The following ISLR2 variants were observed in gnomAD, a reference collection of about 807,000 sequenced individuals.
ISLR2 encodes immunoglobulin superfamily containing leucine rich repeat 2.
A neutral mutation model predicts 25.5 loss-of-function variants in ISLR2; 16 were observed. The observed-to-expected ratio is 0.63, with a 90% CI of 0.43 to 0.95. The LOEUF is 0.95. Among genes scored for constraint, ISLR2 ranks in the 40% least tolerant of loss-of-function variants. The pLI is 0.00. For synonymous variants in ISLR2, 508 were observed against 486.6 expected (o/e 1.04, Z -0.58); for missense variants, 883 against 1,030.7 (o/e 0.86, Z 1.96).
chr15:74,128,645 A>T (rs1348711412), upstream of ISLR2: 2 of 456,404 alleles, frequency 4.4e-6, no homozygotes, highest in Admixed American at 2.4e-5. Flanking sequence ...CAAAAAAGAA[A>T]GAAAGAAAAT....
rs535776127 is a variant in ISLR2 at position 74,133,648 on chromosome 15, G to A, written c.894G>A (p.Glu298=). ...GGGAGGACGACGGGGTTGGGGCGGA[G>A]GAAGGAGAGGGAGAAGGAGATGGGG... is the stretch of plus-strand genomic sequence containing the variant. ...LSGEDDGVGA[E]EGEGEGDGDL... The change falls in exon 3 of 3, where the codon GAG becomes GAA. Residue 298 remains glutamate (E), a synonymous_variant. Coordinates refer to ENST00000453268, the MANE Select transcript of ISLR2 (RefSeq NM_020851.3). 6.2e-7 allele frequency: 1 copy of A among 1,612,346 alleles called. No homozygotes were observed. The highest frequency in any genetic ancestry group is 1.7e-5 in the Admixed American group (1 of 59,748).
chr15:74,122,029 C>T (rs1748312627), intron 2 of ISLR2, among the ~76,000 whole-genome samples: 1 of 152,200 alleles, frequency 6.6e-6, no homozygotes, highest in Non-Finnish European at 1.5e-5. Context: ...TCCCATCCAC[C>T]CCAGAGACAG....
chr15:74,131,076 T>C (rs2072404662), intron 1 of ISLR2, 131 bp from the exon 2 acceptor site: 1 of 152,432 alleles, frequency 6.6e-6, no homozygotes, highest in Admixed American at 6.6e-5. Context: ...GCAAGGACTT[T>C]CTCCAACCTG....
At chr15:74,115,533 A>G (rs961410373) in intron 2 of ISLR2, among the ~76,000 whole-genome samples, 1 of 152,120 alleles carries the variant, frequency 6.6e-6, no homozygotes, top group Non-Finnish European at 1.5e-5. Flanking sequence ...TGTCTCTACT[A>G]AAAATACAAA....
At chr15:74,130,385 C>A (rs1329074988), upstream of ISLR2, 2 of 152,082 alleles carry the variant, frequency 1.3e-5, no homozygotes, top group Non-Finnish European at 2.9e-5. Flanking sequence ...AGGGTCCGCG[C>A]GAGCTCGGCT....
At chr15:74,124,143 A>G (rs1595941287), upstream of ISLR2, among the ~76,000 whole-genome samples, 1 of 150,534 alleles carries the variant, frequency 6.6e-6, no homozygotes, top group East Asian at 1.9e-4. Flanking sequence ...AACTCCAGAT[A>G]AGGAAGTATC....
upstream of ISLR2, chr15:74,128,077 G>A (rs2072323211): frequency 4.5e-6 from 1 of 220,980 alleles, no homozygotes; most frequent in African/African-American, 2.4e-5. Context: ...TGAGGTCTTG[G>A]TTCCCGGCTC....
chr15:74,105,828 G>A (rs947232355), intron 2 of ISLR2, among the ~76,000 whole-genome samples: 9 of 152,046 alleles, frequency 5.9e-5, no homozygotes, highest in East Asian at 1.9e-4. Flanking sequence ...ACCCAGCCTC[G>A]AAAACCAGTA....
Position 74,132,622 on chromosome 15 carries a change from AGAG to A in ISLR2, c.-8-120_-8-118del. 7.6e-7 allele frequency: 1 copy of A among 1,313,892 alleles called. No homozygotes were observed. The highest frequency in any genetic ancestry group is 1.0e-6 in the Non-Finnish European group (1 of 985,090). The allele number at this position is 1,313,892 out of a possible 1,614,324, so 81.4% of individuals were successfully genotyped here. A position where few individuals can be genotyped will look rare whatever the true frequency, so the allele number is the denominator to read the frequency against. On this transcript the variant is annotated intron_variant, in intron 2 of 2. Coordinates refer to ENST00000453268, the MANE Select transcript of ISLR2 (RefSeq NM_020851.3). This position sits in a 1 kb window ranked among gnomAD's most constrained non-coding sequence, Gnocchi z 4.3. ...TCACTTCAGAGAGGCTCCTGGCCAT[AGAG>A]GAGGTTACCGGAGCCCTGGAACTAG...
At chr15:74,123,520 TAG>T (rs2072269389), upstream of ISLR2, among the ~76,000 whole-genome samples, 1 of 152,120 alleles carries the variant, frequency 6.6e-6, no homozygotes, top group Non-Finnish European at 1.5e-5. Context: ...TAAGACCACT[TAG>T]AGAGTTTGTG....
upstream of ISLR2, chr15:74,127,314 G>A (rs913048819): frequency 5.3e-5 from 8 of 152,072 alleles, no homozygotes; most frequent in African/African-American, 1.9e-4. Flanking sequence ...CCAGATCTCA[G>A]ACATTTATTT....
chr15:74,107,340 C>T (rs1217917375), intron 2 of ISLR2, among the ~76,000 whole-genome samples: 1 of 152,190 alleles, frequency 6.6e-6, no homozygotes, highest in Non-Finnish European at 1.5e-5. Context: ...CAGAGAGTCC[C>T]CTCAGTCATG....
Position 74,136,706 on chromosome 15 carries a change from C to G in ISLR2, c.*1714C>G, listed in dbSNP as rs578255203. ...CTCGGGATCAGCCCTCTCCGCGAAGCGCAGCACAAGCGCGGGCCTGGGACG... is the reference window on the plus strand; with the variant it reads ...CTCGGGATCAGCCCTCTCCGCGAAGGGCAGCACAAGCGCGGGCCTGGGACG... On this transcript the variant is annotated 3_prime_UTR_variant, in exon 3 of 3. Coordinates refer to ENST00000453268, the MANE Select transcript of ISLR2 (RefSeq NM_020851.3). 5.0e-4 allele frequency: 84 copies of G among 167,106 alleles called. No individual in the cohort carries two copies. Among genetic ancestry groups the G allele is most frequent in the African/African-American group, 1.9e-3 (81 of 41,552 alleles). The allele number at this position is 167,106 out of a possible 1,614,324, so 10.4% of individuals were successfully genotyped here. A position where few individuals can be genotyped will look rare whatever the true frequency, so the allele number is the denominator to read the frequency against.
At chr15:74,139,309 A>C (rs1251511358), downstream of ISLR2, among the ~76,000 whole-genome samples, 1 of 152,158 alleles carries the variant, frequency 6.6e-6, no homozygotes, top group African/African-American at 2.4e-5. Flanking sequence ...TTCTGTCCAA[A>C]TGTTTGGCCA....
At chr15:74,137,421 G>A (rs1407959063), downstream of ISLR2, among the ~76,000 whole-genome samples, 2 of 152,238 alleles carry the variant, frequency 1.3e-5, no homozygotes, top group East Asian at 1.9e-4. Context: ...TGTGTGCGTT[G>A]TGTGGGTGGG....
intron 2 of ISLR2, among the ~76,000 whole-genome samples, chr15:74,118,744 G>A (rs1462300623): frequency 5.9e-5 from 9 of 151,736 alleles, no homozygotes; most frequent in African/African-American, 9.7e-5. Flanking sequence ...TGCAAGCTCC[G>A]CTTCCCAGGT....
chr15:74,135,220 C>G lies in ISLR2; in HGVS notation c.*228C>G. 1 of 595,842 alleles carries G rather than the reference C, an allele frequency of 1.7e-6. No individual in the cohort carries two copies. Among genetic ancestry groups the G allele is most frequent in the South Asian group, 2.1e-5 (1 of 48,246 alleles). The allele number at this position is 595,842 out of a possible 1,614,324, so 36.9% of individuals were successfully genotyped here. A position where few individuals can be genotyped will look rare whatever the true frequency, so the allele number is the denominator to read the frequency against. On this transcript the variant is annotated 3_prime_UTR_variant, in exon 3 of 3. Transcript: ENST00000453268. ...TCCCTGCGGGCTGAATCCCCTTCCCCGCCAAGCACAGTGTTTATCTTACCC... is the reference window on the plus strand; with the variant it reads ...TCCCTGCGGGCTGAATCCCCTTCCCGGCCAAGCACAGTGTTTATCTTACCC...
intron 2 of ISLR2, among the ~76,000 whole-genome samples, chr15:74,120,560 G>A (rs2072245087): frequency 6.6e-6 from 1 of 151,900 alleles, no homozygotes; most frequent in Non-Finnish European, 1.5e-5. Flanking sequence ...AACCCACGGG[G>A]AGGCAGAGGG....
Position 74,134,858 on chromosome 15 carries a change from G to T in ISLR2, c.2104G>T (p.Val702Leu), listed in dbSNP as rs1270051468. 1 of 1,614,044 alleles carries T rather than the reference G, an allele frequency of 6.2e-7. No homozygotes were observed. The highest frequency in any genetic ancestry group is 8.5e-7 in the Non-Finnish European group (1 of 1,180,038). ...REESLAACSL[V>L]ESQSKANQEE... ...GGAGAGCCTGGCGGCCTGCTCACTG[G>T]TGGAGTCCCAGTCCAAGGCCAACCA... Residue 702 changes from valine (V) to leucine (L), a missense_variant, in exon 3 of 3, where the codon GTG becomes TTG. Transcript: ENST00000453268.
Sources: allele counts gnomAD v4.1 joint callset (sites outside exome capture counted in the v4.1 genomes callset), GRCh38; gene constraint gnomAD v4.1.1; non-coding constraint Gnocchi (gnomAD v3.1); transcripts MANE v1.5; gene names NCBI Gene and HGNC (gene_info 2026-07-23, HGNC 2026-07-21).